The following CDH13 variants were observed in gnomAD, a reference collection of about 807,000 sequenced individuals.
The protein encoded by CDH13 is cadherin 13, also known as cadherin-13.
A neutral mutation model predicts 63.8 loss-of-function variants in CDH13; 24 were observed. That is an observed-to-expected ratio of 0.38 (90% confidence interval 0.27 to 0.53). The LOEUF (loss-of-function observed/expected upper bound fraction) is 0.53. Ranked by LOEUF, CDH13 falls within the 20% of genes least tolerant of loss-of-function variation. The pLI is 0.85. For synonymous variants in CDH13, 503 were observed against 355.3 expected (o/e 1.42, Z -4.67); for missense variants, 1,049 against 903.1 (o/e 1.16, Z -2.07).
At chr16:82,800,591 T>G in intron 1 of CDH13, among the ~76,000 whole-genome samples, 1 of 152,218 alleles carries the variant, frequency 6.6e-6, no homozygotes, top group East Asian at 1.9e-4. Context: ...TTAAGAACCA[T>G]TAATTTTCAG....
chr16:83,540,550 C>T (rs2075279820), intron 7 of CDH13, among the ~76,000 whole-genome samples: 1 of 152,166 alleles, frequency 6.6e-6, no homozygotes, highest in African/African-American at 2.4e-5. Context: ...TTCCCCAGAC[C>T]CTTCCTTTAA....
chr16:82,831,351 G>T (rs1200529832), intron 1 of CDH13, among the ~76,000 whole-genome samples: 1 of 152,174 alleles, frequency 6.6e-6, no homozygotes, highest in African/African-American at 2.4e-5. Flanking sequence ...TAACAATTCA[G>T]CTTGGTTGAT....
chr16:83,491,541 A>T (rs569723066), intron 7 of CDH13, among the ~76,000 whole-genome samples: 1 of 151,078 alleles, frequency 6.6e-6, no homozygotes, highest in South Asian at 2.1e-4. Context: ...CACAATTTGC[A>T]ACTACTCAGA....
At chr16:82,817,200 C>A (rs1310350181) in intron 1 of CDH13, among the ~76,000 whole-genome samples, 2 of 152,098 alleles carry the variant, frequency 1.3e-5, no homozygotes, top group Non-Finnish European at 2.9e-5. Flanking sequence ...GTTCCTTTTT[C>A]TGACCATGTC....
At chr16:82,727,246 G>C (rs1347397557) in intron 1 of CDH13, among the ~76,000 whole-genome samples, 1 of 152,086 alleles carries the variant, frequency 6.6e-6, no homozygotes, top group Non-Finnish European at 1.5e-5. Context: ...TGCACTGGGG[G>C]CATCCCTGTT....
At chr16:82,796,100 C>T (rs1421861933) in intron 1 of CDH13, among the ~76,000 whole-genome samples, 2 of 152,122 alleles carry the variant, frequency 1.3e-5, no homozygotes, top group Non-Finnish European at 2.9e-5. Flanking sequence ...TGTGCCTCTC[C>T]TGGAGAAGCA....
rs2035744200 is a variant in CDH13 at position 83,124,925 on chromosome 16, G to A, written c.367-460G>A. Among the ~76,000 whole-genome samples, 3 of 152,098 alleles carry A rather than the reference G, an allele frequency of 2.0e-5. No individual in the cohort carries two copies. The South Asian group carries it at 6.2e-4, about 32-fold the overall frequency. On this transcript the variant is annotated intron_variant, in intron 3 of 13. Coordinates refer to ENST00000567109, the MANE Select transcript of CDH13 (RefSeq NM_001257.5). ...ATCCTGTTTTGGTTACTATAGCTTT[G>A]TAGTATAATTTGAAGTCAGGCAATA...
rs116893494 is a variant in CDH13, at chr16:83,309,297, C to G, written c.637-35565C>G. Among the ~76,000 whole-genome samples, 152 of 152,180 alleles carry G rather than the reference C, an allele frequency of 1.0e-3. 2 individuals are homozygous for G. Among genetic ancestry groups the G allele is most frequent in the Non-Finnish European group, 1.5e-3 (101 of 68,014 alleles). On this transcript the variant is annotated intron_variant, in intron 5 of 13. Coordinates refer to ENST00000567109, the MANE Select transcript of CDH13 (RefSeq NM_001257.5). Reference sequence around the variant, plus strand: ...TTTGGGAAAAGATCTATATCGAAGTCAGATTTATATGGTGAGAGCACTGTC... The same window carrying G: ...TTTGGGAAAAGATCTATATCGAAGTGAGATTTATATGGTGAGAGCACTGTC...
At chr16:83,104,147 T>A (rs1381630835) in intron 3 of CDH13, among the ~76,000 whole-genome samples, 1 of 152,228 alleles carries the variant, frequency 6.6e-6, no homozygotes, top group Non-Finnish European at 1.5e-5. Context: ...TTTTTAAAGC[T>A]GTTGTTGTTT....
At chr16:83,773,161 T>G (rs761967431) in intron 11 of CDH13, among the ~76,000 whole-genome samples, 1 of 152,120 alleles carries the variant, frequency 6.6e-6, no homozygotes, top group Non-Finnish European at 1.5e-5. Flanking sequence ...TGTCAGGTCC[T>G]TGAGAAAAGT....
At chr16:82,715,523 CA>C (rs2151013583) in intron 1 of CDH13, among the ~76,000 whole-genome samples, 1 of 152,270 alleles carries the variant, frequency 6.6e-6, no homozygotes, top group South Asian at 2.1e-4. Flanking sequence ...TTGCACACAA[CA>C]ATAATCTCCC....
chr16:83,667,364 G>A (rs765100175), intron 8 of CDH13, among the ~76,000 whole-genome samples: 2 of 151,998 alleles, frequency 1.3e-5, no homozygotes, highest in East Asian at 3.9e-4. Flanking sequence ...ACTTATACAT[G>A]GCCTAAATAT....
chr16:83,147,004 C>T (rs924864657), intron 4 of CDH13, among the ~76,000 whole-genome samples: 1 of 152,072 alleles, frequency 6.6e-6, no homozygotes, highest in Non-Finnish European at 1.5e-5. Flanking sequence ...AGGAAAATTG[C>T]TTGAACTCAA....
chr16:83,633,727 C>A (rs1054464659), intron 8 of CDH13, among the ~76,000 whole-genome samples: 1 of 152,134 alleles, frequency 6.6e-6, no homozygotes, highest in East Asian at 1.9e-4. Context: ...TCCAAAATCA[C>A]TATTTATTGC....
At chr16:83,544,402 G>A (rs889432781) in intron 7 of CDH13, among the ~76,000 whole-genome samples, 4 of 152,066 alleles carry the variant, frequency 2.6e-5, no homozygotes, top group East Asian at 1.9e-4. Context: ...TAAACCCATC[G>A]TAAGTTGAAA....
At chr16:82,835,183 CCAGTGTG>C (rs1272304537) in intron 1 of CDH13, among the ~76,000 whole-genome samples, 1 of 152,146 alleles carries the variant, frequency 6.6e-6, no homozygotes, top group Non-Finnish European at 1.5e-5. Context: ...TCTTTAAAAT[CCAGTGTG>C]CATTTTGCAC....
At chr16:83,102,902 T>G (rs1662458913) in intron 3 of CDH13, among the ~76,000 whole-genome samples, 1 of 150,070 alleles carries the variant, frequency 6.7e-6, no homozygotes, top group African/African-American at 2.5e-5. Flanking sequence ...CCTTTGCTAA[T>G]TAAACTTTCT....
intron 6 of CDH13, among the ~76,000 whole-genome samples, chr16:83,409,554 A>G (rs1296624753): frequency 1.3e-5 from 2 of 152,264 alleles, no homozygotes; most frequent in African/African-American, 4.8e-5. Flanking sequence ...ACCTCTGTCA[A>G]TACTGGCTGG....
chr16:83,494,015 G>A (rs191184013), intron 7 of CDH13, among the ~76,000 whole-genome samples: 7 of 152,276 alleles, frequency 4.6e-5, no homozygotes, highest in Non-Finnish European at 8.8e-5. Context: ...CTGTTCTTGG[G>A]CTTCTTAAAG....
Sources: allele counts gnomAD v4.1 joint callset (sites outside exome capture counted in the v4.1 genomes callset), GRCh38; gene constraint gnomAD v4.1.1; transcripts MANE v1.5; gene names NCBI Gene and HGNC (gene_info 2026-07-23, HGNC 2026-07-21).